DOP1B: variants seen among roughly 807,000 people sequenced by gnomAD.
DOP1B encodes the protein DOP1 leucine zipper like protein B.
A neutral mutation model predicts 233.5 loss-of-function variants in DOP1B; 174 were observed. That is an observed-to-expected ratio of 0.75 (90% CI 0.66 to 0.85). The LOEUF is 0.85. DOP1B is among the 40% of genes least tolerant of loss of function. DOP1B has a pLI of 0.00. For missense variants in DOP1B, 2,652 were observed against 2,846.6 expected, an observed-to-expected ratio of 0.93 and a Z score of 1.56; for synonymous variants, 1,190 against 1,185.6, an observed-to-expected ratio of 1.00 and a Z score of -0.08.
intron 27 of DOP1B, among the ~76,000 whole-genome samples, chr21:36,272,803 G>A (rs1396475012): frequency 1.3e-5 from 2 of 151,622 alleles, no homozygotes; most frequent in Admixed American, 1.3e-4. Context: ...TGACCGACAT[G>A]GAGAAACCCC....
intron 4 of DOP1B, among the ~76,000 whole-genome samples, chr21:36,207,502 T>A (rs977985783): frequency 8.0e-6 from 1 of 125,262 alleles, no homozygotes; most frequent in African/African-American, 3.2e-5. Flanking sequence ...TTTTTTTGTT[T>A]TTTTTTTTTT....
intron 2 of DOP1B, among the ~76,000 whole-genome samples, chr21:36,190,922 T>C (rs1344877027): frequency 6.6e-6 from 1 of 152,200 alleles, no homozygotes; most frequent in African/African-American, 2.4e-5. Context: ...TGTTTTGTGC[T>C]AATTCCAGTC....
intron 3 of DOP1B, among the ~76,000 whole-genome samples, chr21:36,199,584 C>T (rs2066336093): frequency 6.6e-6 from 1 of 152,096 alleles, no homozygotes; most frequent in South Asian, 2.1e-4. Context: ...TATCCCTCCC[C>T]ACTCCCCCGA....
chr21:36,269,898 G>C lies in DOP1B; in HGVS notation c.5488-115G>C, dbSNP rs11700664. 29 of 1,044,496 alleles carry C rather than the reference G, an allele frequency of 2.8e-5. No homozygotes were observed. The South Asian group carries it at 3.6e-4, about 13-fold the overall frequency. The allele number at this position is 1,044,496 out of a possible 1,614,324, so 64.7% of individuals were successfully genotyped here. On this transcript the variant is annotated intron_variant, in intron 26 of 36. Coordinates refer to ENST00000691173, the MANE Select transcript of DOP1B (RefSeq NM_001320714.2). ...TGGCTCCTAGAAAGCTTAATGGTAC[G>C]TATATGCTCACAGCTGTGGCCTGCA...
At chr21:36,265,194 A>G (rs1456557925) in intron 26 of DOP1B, among the ~76,000 whole-genome samples, 1 of 152,160 alleles carries the variant, frequency 6.6e-6, no homozygotes, top group East Asian at 1.9e-4. Context: ...TCAGGGGTTC[A>G]AGACCAGCCT....
At chr21:36,244,959 G>A (rs1344430092) in intron 18 of DOP1B, 89 bp from the exon 19 acceptor site, 4 of 1,327,928 alleles carry the variant, frequency 3.0e-6, no homozygotes, top group Admixed American at 2.4e-5. Flanking sequence ...TGATCTTTCT[G>A]TCTGGCTTTA....
chr21:36,239,839 T>G lies in DOP1B; in HGVS notation c.2951T>G (p.Val984Gly). The G allele has an allele frequency of 6.4e-7, 1 of 1,574,530 alleles. No homozygotes were observed. The highest frequency in any genetic ancestry group is 2.4e-5 in the East Asian group (1 of 42,356). The change falls in exon 18 of 37, where the codon GTG (valine) becomes GGG (glycine). Residue 984 changes from valine to glycine, a missense_variant. By Grantham distance (109) the Val-to-Gly change is moderately radical (BLOSUM62 -3). Coordinates refer to ENST00000691173, the MANE Select transcript of DOP1B (RefSeq NM_001320714.2). ...AIGAAAQGWL[V>G]RALSLGDVAR... is the part of the protein sequence containing the mutation. ...GGTGCGGCAGCCCAGGGCTGGCTGG[T>G]GCGTGCGCTCTCCCTCGGGGACGTG...
Position 36,246,152 on chromosome 21 carries a change from T to A in DOP1B, c.4172T>A (p.Leu1391Gln). Reference sequence around the variant, plus strand: ...GTTCAGGAGTTTGTCCTGCTCTCCCTGTCGGCGTCCATGTACACGAGCCAG... The same window carrying A: ...GTTCAGGAGTTTGTCCTGCTCTCCCAGTCGGCGTCCATGTACACGAGCCAG... ...CKVQEFVLLS[L>Q]SASMYTSQKR... The change falls in exon 19 of 37, where the codon CTG (leucine) becomes CAG (glutamine). Residue 1391 changes from leucine to glutamine, a missense_variant. Transcript: ENST00000691173. The surrounding 1 kb of genome is among the most constrained non-coding windows in gnomAD (Gnocchi z 5.1). 2 of 1,613,862 alleles carry A rather than the reference T, an allele frequency of 1.2e-6. No homozygotes were observed. The highest frequency in any genetic ancestry group is 1.7e-6 in the Non-Finnish European group (2 of 1,180,034).
chr21:36,169,551 A>G, intron 2 of DOP1B: 1 of 1,116,358 alleles, frequency 9.0e-7, no homozygotes, highest in Non-Finnish European at 1.4e-6. Flanking sequence ...TCCAGCCCAA[A>G]CGCTTGGTTC....
At chr21:36,214,975 C>T (rs1443751462) in intron 9 of DOP1B, among the ~76,000 whole-genome samples, 3 of 152,104 alleles carry the variant, frequency 2.0e-5, no homozygotes, top group African/African-American at 4.8e-5. Context: ...CCCAGGGGGT[C>T]GAGGCTGCAG....
chr21:36,226,286 C>T (rs1368595911), intron 12 of DOP1B, among the ~76,000 whole-genome samples: 2 of 147,986 alleles, frequency 1.4e-5, no homozygotes, highest in Non-Finnish European at 2.9e-5. Context: ...TTTTCTCTGT[C>T]TCTCTCTCTC....
chr21:36,160,477 C>CT (rs5843748), intron 1 of DOP1B, among the ~76,000 whole-genome samples: 46,084 of 122,764 alleles, frequency 0.38, 9,429 homozygotes, highest in South Asian at 0.49. Context: ...TTTAAGTTTT[C>CT]TTTTTTTTTT....
At chr21:36,200,906 C>T (rs999140059) in intron 4 of DOP1B, among the ~76,000 whole-genome samples, 3 of 151,468 alleles carry the variant, frequency 2.0e-5, no homozygotes, top group South Asian at 2.1e-4. Flanking sequence ...GTGTGGAGGT[C>T]GGGTTGCTCT....
rs777115679 is a variant in DOP1B, at chr21:36,239,743, A to G, written c.2877-22A>G. 216 of 1,514,464 alleles carry G rather than the reference A, an allele frequency of 1.4e-4. 1 individual carries two copies. Among genetic ancestry groups the G allele is most frequent in the Non-Finnish European group, 7.1e-6 (8 of 1,126,414 alleles). The allele number at this position is 1,514,464 out of a possible 1,614,324, so 93.8% of individuals were successfully genotyped here. On this transcript the variant is annotated intron_variant, in intron 17 of 36. Transcript: ENST00000691173. ...CACAGGGGTGGCTGCGAGTGAACTC[A>G]CTGGTGTGTTTCCCACTGCAGGTCC...
chr21:36,187,832 C>T (rs2066181663), intron 2 of DOP1B, among the ~76,000 whole-genome samples: 1 of 151,978 alleles, frequency 6.6e-6, no homozygotes, highest in Non-Finnish European at 1.5e-5. Context: ...AACTCCTGGG[C>T]TGAAGCAATT....
chr21:36,162,103 A>G (rs1157993876), intron 1 of DOP1B, among the ~76,000 whole-genome samples: 1 of 152,208 alleles, frequency 6.6e-6, no homozygotes, highest in Non-Finnish European at 1.5e-5. Context: ...GAGAAGTTCA[A>G]GATCAAGGTG....
chr21:36,255,297 A>G (rs2067081331), intron 23 of DOP1B, among the ~76,000 whole-genome samples: 1 of 151,226 alleles, frequency 6.6e-6, no homozygotes, highest in Non-Finnish European at 1.5e-5. Flanking sequence ...AAGCCCGGCT[A>G]ATTTTTGTAT....
chr21:36,246,866 AT>A lies in DOP1B; in HGVS notation c.4697+190del, dbSNP rs1378409447. 2.7e-5 allele frequency among the ~76,000 whole-genome samples: 4 copies of A among 149,140 alleles called. No individual in the cohort carries two copies. Among genetic ancestry groups the A allele is most frequent in the Non-Finnish European group, 5.9e-5 (4 of 67,858 alleles). On this transcript the variant is annotated intron_variant, in intron 19 of 36. Coordinates refer to ENST00000691173, the MANE Select transcript of DOP1B (RefSeq NM_001320714.2). The surrounding 1 kb of genome is among the most constrained non-coding windows in gnomAD (Gnocchi z 5.1). ...CCATTATGTTATGTTATGTTATGTT[AT>A]GTTATGTTATGTTATGTTATGTTAT...
Position 36,238,769 on chromosome 21 carries a change from G to A in DOP1B, c.2876+68G>A, listed in dbSNP as rs150586688. 245 of 1,474,252 alleles carry A rather than the reference G, an allele frequency of 1.7e-4. No homozygotes were observed. In the African/African-American group the frequency reaches 2.5e-3, roughly 15 times the overall value. The allele number at this position is 1,474,252 out of a possible 1,614,324, so 91.3% of individuals were successfully genotyped here. On this transcript the variant is annotated intron_variant, in intron 17 of 36. Transcript: ENST00000691173. ...AACTCCACAGAGGTGCCTGCCCAAC[G>A]TGTGGGGCTGGGGAGGGAGAGGAGC...
Sources: gnomAD v4.1 joint callset for allele counts (sites outside exome capture counted in the v4.1 genomes callset) on GRCh38, gnomAD v4.1.1 for gene constraint, Gnocchi (gnomAD v3.1) non-coding constraint, MANE v1.5 for transcripts, NCBI Gene and HGNC (gene_info 2026-07-23, HGNC 2026-07-21) for gene names.